Variants in GALNTL6 observed in about 807,000 individuals in gnomAD.
GALNTL6 encodes polypeptide N-acetylgalactosaminyltransferase like 6, also known as polypeptide N-acetylgalactosaminyltransferase-like 6.
A neutral mutation model predicts 73.7 loss-of-function variants in GALNTL6; 46 were observed. That is an observed-to-expected ratio of 0.62 (90% CI 0.49 to 0.80). The LOEUF (loss-of-function observed/expected upper bound fraction) is 0.80, where lower values mean the gene tolerates loss of function less well. Ranked by LOEUF, GALNTL6 falls within the 30% of genes least tolerant of loss-of-function variation. The probability of loss-of-function intolerance (pLI) is 0.00; values close to 1 mark genes in which losing one functional copy is unlikely to be tolerated. For synonymous variants in GALNTL6, 259 were observed against 263.7 expected (o/e 0.98, Z 0.17); for missense variants, 604 against 755.0 (o/e 0.80, Z 2.34).
At chr4:171,908,101 T>C (rs886119582) in intron 2 of GALNTL6, among the ~76,000 whole-genome samples, 1 of 152,126 alleles carries the variant, frequency 6.6e-6, no homozygotes, top group Non-Finnish European at 1.5e-5. Flanking sequence ...ACTTCATGTC[T>C]AAAACATCAA....
At chr4:172,886,858 G>A (rs575712219) in intron 8 of GALNTL6, among the ~76,000 whole-genome samples, 78 of 152,118 alleles carry the variant, frequency 5.1e-4, no homozygotes, top group African/African-American at 1.5e-3. Flanking sequence ...AGATTCAGGG[G>A]GTACACGTGC....
chr4:172,774,763 C>T (rs58174025), intron 5 of GALNTL6, among the ~76,000 whole-genome samples: 3,485 of 152,068 alleles, frequency 0.023, 130 homozygotes, highest in African/African-American at 0.078. Flanking sequence ...AGTTGGAGAC[C>T]AGCCTGGGCA....
chr4:172,934,212 C>G (rs1214540376), intron 9 of GALNTL6, among the ~76,000 whole-genome samples: 1 of 152,068 alleles, frequency 6.6e-6, no homozygotes, highest in African/African-American at 2.4e-5. Flanking sequence ...CTTCTTCAGT[C>G]CTCTCAAATT....
intron 2 of GALNTL6, among the ~76,000 whole-genome samples, chr4:171,972,558 T>A (rs995210765): frequency 9.2e-5 from 14 of 152,134 alleles, no homozygotes; most frequent in Admixed American, 2.6e-4. Context: ...CCTGGTCATA[T>A]AAATAGAAGA....
At chr4:172,401,765 T>C (rs750610074) in intron 5 of GALNTL6, among the ~76,000 whole-genome samples, 17 of 152,120 alleles carry the variant, frequency 1.1e-4, no homozygotes, top group Non-Finnish European at 1.2e-4. Flanking sequence ...ATGTATACTT[T>C]AGAAGCAAAC....
intron 2 of GALNTL6, among the ~76,000 whole-genome samples, chr4:172,156,375 G>A (rs143846328): frequency 5.2e-4 from 79 of 151,658 alleles, no homozygotes; most frequent in African/African-American, 1.9e-3. Flanking sequence ...TGAAATGCCT[G>A]AGGAAAAAAC....
chr4:172,464,103 A>C (rs934140437), intron 5 of GALNTL6, among the ~76,000 whole-genome samples: 7 of 151,642 alleles, frequency 4.6e-5, no homozygotes, highest in Non-Finnish European at 7.4e-5. Flanking sequence ...GTCTTGCTAC[A>C]TTGGCTGGGT....
rs567722622 is a variant in GALNTL6 at position 172,313,896 on chromosome 4, G to A, written c.386+2144G>A. 5.3e-5 allele frequency among the ~76,000 whole-genome samples: 8 copies of A among 152,322 alleles called. No homozygotes were observed. The South Asian group carries it at 1.4e-3, about 28-fold the overall frequency. ...TACTACCAGGAATAAGGTTCACCTT[G>A]GTGAGGTCAGTATTTGACTCTTAGC... On this transcript the variant is annotated intron_variant, in intron 4 of 12. Coordinates refer to ENST00000506823, the MANE Select transcript of GALNTL6 (RefSeq NM_001034845.3).
intron 5 of GALNTL6, among the ~76,000 whole-genome samples, chr4:172,371,679 C>A (rs1442830154): frequency 1.3e-5 from 2 of 152,018 alleles, no homozygotes; most frequent in Non-Finnish European, 2.9e-5. Context: ...CTCTCTCTGT[C>A]TCTTCCTCTC....
intron 2 of GALNTL6, among the ~76,000 whole-genome samples, chr4:172,138,515 T>TATATA (rs1560938392): frequency 3.4e-3 from 21 of 6,242 alleles, no homozygotes; most frequent in East Asian, 0.017. Flanking sequence ...ATATATATAT[T>TATATA]TTTTTTTTTT....
At chr4:172,205,912 A>C (rs1736095252) in intron 2 of GALNTL6, among the ~76,000 whole-genome samples, 1 of 152,198 alleles carries the variant, frequency 6.6e-6, no homozygotes, top group African/African-American at 2.4e-5. Context: ...ATCTCCATCA[A>C]GTCTCCCATC....
At chr4:172,342,918 T>G (rs1042815913) in intron 4 of GALNTL6, among the ~76,000 whole-genome samples, 6 of 152,206 alleles carry the variant, frequency 3.9e-5, no homozygotes, top group African/African-American at 1.4e-4. Flanking sequence ...ATTACTAGCT[T>G]GATACCCATC....
At chr4:172,650,681 T>C (rs837210) in intron 5 of GALNTL6, among the ~76,000 whole-genome samples, 1 of 152,180 alleles carries the variant, frequency 6.6e-6, no homozygotes, top group Admixed American at 6.5e-5. Flanking sequence ...TGGAAAGAGA[T>C]GTCTGTTAAT....
chr4:172,376,815 G>A (rs1027878241), intron 5 of GALNTL6, among the ~76,000 whole-genome samples: 3 of 152,144 alleles, frequency 2.0e-5, no homozygotes, highest in Non-Finnish European at 2.9e-5. Context: ...CAAGAATGAA[G>A]CCGCAGACCC....
chr4:172,452,171 G>A (rs994775897), intron 5 of GALNTL6, among the ~76,000 whole-genome samples: 1 of 152,072 alleles, frequency 6.6e-6, no homozygotes, highest in African/African-American at 2.4e-5. Flanking sequence ...AAACGTAATT[G>A]AAATTCAATG....
chr4:172,590,996 T>C (rs1737615236), intron 5 of GALNTL6, among the ~76,000 whole-genome samples: 1 of 152,180 alleles, frequency 6.6e-6, no homozygotes, highest in South Asian at 2.1e-4. Context: ...AATAGTCAGC[T>C]ATACCAATTT....
intron 2 of GALNTL6, among the ~76,000 whole-genome samples, chr4:171,909,103 C>T (rs191841534): frequency 0.011 from 1,655 of 149,606 alleles, 38 homozygotes; most frequent in African/African-American, 0.039. Flanking sequence ...ATGTAACTAA[C>T]CTGCACATTG....
chr4:172,023,868 C>G (rs1431530479), intron 2 of GALNTL6, among the ~76,000 whole-genome samples: 1 of 151,802 alleles, frequency 6.6e-6, no homozygotes, highest in Non-Finnish European at 1.5e-5. Flanking sequence ...TTGCTCAAAA[C>G]TCTCAGTGCC....
intron 5 of GALNTL6, among the ~76,000 whole-genome samples, chr4:172,649,398 C>A (rs1342383951): frequency 6.6e-6 from 1 of 152,118 alleles, no homozygotes. Flanking sequence ...TCTTTAAGGA[C>A]AACTTTCCAA....
Sources: allele counts gnomAD v4.1 joint callset (sites outside exome capture counted in the v4.1 genomes callset), GRCh38; gene constraint gnomAD v4.1.1; transcripts MANE v1.5; gene names NCBI Gene and HGNC (gene_info 2026-07-23, HGNC 2026-07-21).